The following ANK3 variants were observed in gnomAD, a reference collection of about 807,000 sequenced individuals.
ANK3 encodes the protein ankyrin-3.
Under a neutral mutation model 370.9 loss-of-function variants are expected in ANK3, and 57 were observed. The ratio of observed to expected loss-of-function variants is 0.15; its 90% CI spans 0.12 to 0.19. The LOEUF is 0.19. Among genes scored for constraint, ANK3 ranks in the 10% least tolerant of loss-of-function variants. The probability of loss-of-function intolerance (pLI) is 1.00; values close to 1 mark genes in which losing one functional copy is unlikely to be tolerated. For synonymous variants in ANK3, 1,929 were observed against 1,946.3 expected (o/e 0.99, Z 0.23); for missense variants, 4,439 against 5,302.1 (o/e 0.84, Z 5.06).
At chr10:60,223,257 C>G (rs1298564025) in intron 8 of ANK3, among the ~76,000 whole-genome samples, 1 of 152,176 alleles carries the variant, frequency 6.6e-6, no homozygotes, top group Admixed American at 6.5e-5. Context: ...TGCCCCTACC[C>G]TTGACATTTC....
chr10:60,088,111 C>A (rs376315724), intron 29 of ANK3, 36 bp downstream of exon 29: 161 of 1,550,776 alleles, frequency 1.0e-4, no homozygotes, highest in Non-Finnish European at 1.4e-4. Context: ...ATGCTCTCTG[C>A]GCATACTGAG....
chr10:60,104,693 G>A (rs79672691), intron 28 of ANK3, among the ~76,000 whole-genome samples: 5,934 of 152,228 alleles, frequency 0.039, 174 homozygotes, highest in Non-Finnish European at 0.06. Flanking sequence ...TTGCTGTAAA[G>A]ACATCTTTAA....
chr10:60,122,701 T>C (rs1426767145), intron 25 of ANK3, among the ~76,000 whole-genome samples: 1 of 152,234 alleles, frequency 6.6e-6, no homozygotes, highest in African/African-American at 2.4e-5. Flanking sequence ...CATGGAATTA[T>C]CATAATGTCT....
At chr10:60,224,058 T>C (rs955056289) in intron 8 of ANK3, among the ~76,000 whole-genome samples, 1 of 152,004 alleles carries the variant, frequency 6.6e-6, no homozygotes, top group Non-Finnish European at 1.5e-5. Flanking sequence ...GTTTTTCAAC[T>C]GCATAGAATA....
intron 2 of ANK3, among the ~76,000 whole-genome samples, chr10:60,465,072 G>A (rs1045659367): frequency 8.5e-5 from 13 of 152,076 alleles, no homozygotes; most frequent in Non-Finnish European, 1.6e-4. Flanking sequence ...TTCGAGGCCA[G>A]CCTGGGCAAC....
intron 1 of ANK3, among the ~76,000 whole-genome samples, chr10:60,664,778 T>C (rs766338975): frequency 6.6e-6 from 1 of 152,234 alleles, no homozygotes; most frequent in Non-Finnish European, 1.5e-5. Context: ...ATACAATAAT[T>C]CTCAATTAAA....
At position 60,071,892 on chromosome 10, in the gene ANK3, A is replaced by G; in HGVS notation, c.8989T>C (p.Ser2997Pro). The G allele has an allele frequency of 3.1e-6, 5 of 1,614,078 alleles. No individual in the cohort carries two copies. Among genetic ancestry groups the G allele is most frequent in the Non-Finnish European group, 4.2e-6 (5 of 1,179,970 alleles). The change falls in exon 37 of 44, where the codon TCA becomes CCA. Residue 2997 changes from serine to proline, a missense_variant. Ser to Pro is a moderately conservative substitution (Grantham distance 74). Transcript: ENST00000280772. Reference protein sequence around the residue: ...KHELSQKLSQSSMSKETVETQ... With the variant: ...KHELSQKLSQPSMSKETVETQ... ...TCAACTGTCTCTTTACTCATGCTTG[A>G]CTGGGACAATTTTTGTGATAGTTCA...
chr10:60,704,349 AAAC>A (rs1374265007), intron 1 of ANK3, among the ~76,000 whole-genome samples: 1 of 152,240 alleles, frequency 6.6e-6, no homozygotes, highest in African/African-American at 2.4e-5. Context: ...CAGCTGAAAT[AAAC>A]AACAGACCTA....
intron 2 of ANK3, among the ~76,000 whole-genome samples, chr10:60,482,003 C>T (rs1397059159): frequency 6.6e-6 from 1 of 152,130 alleles, no homozygotes; most frequent in Non-Finnish European, 1.5e-5. Flanking sequence ...TGGCATCGCT[C>T]AAAAAATAGA....
chr10:60,114,081 C>A, intron 26 of ANK3, 144 bp downstream of exon 26: 1 of 369,904 alleles, frequency 2.7e-6, no homozygotes, highest in Non-Finnish European at 4.8e-6. Context: ...TTTACAAATA[C>A]ATCTCACATA....
At position 60,080,694 on chromosome 10, in the gene ANK3, G is replaced by A. The variant is rs141621816; in HGVS notation, c.4351-76C>T. ...TCTTCAGTTTTAAGACATTTTGTAG[G>A]ATGGCATGTTGATAACTTGTTTATT... On this transcript the variant is annotated intron_variant, in intron 35 of 43. Coordinates refer to ENST00000280772, the MANE Select transcript of ANK3 (RefSeq NM_020987.5). The A allele has an allele frequency of 1.1e-3, 1,285 of 1,146,330 alleles. 9 individuals carry two copies. In the African/African-American group the frequency reaches 0.017, roughly 15 times the overall value. 71.0% of individuals were successfully genotyped at this position (1,146,330 alleles called of 1,614,324 possible).
chr10:60,497,640 G>A (rs908643038), intron 2 of ANK3, among the ~76,000 whole-genome samples: 8 of 152,162 alleles, frequency 5.3e-5, no homozygotes, highest in South Asian at 2.1e-4. Context: ...ACAAAGAGAA[G>A]CATTCTTTGC....
At chr10:60,542,056 A>G (rs1255465206) in intron 2 of ANK3, among the ~76,000 whole-genome samples, 1 of 151,918 alleles carries the variant, frequency 6.6e-6, no homozygotes, top group Non-Finnish European at 1.5e-5. Flanking sequence ...GCTTGAGCCA[A>G]GAAACATCCT....
chr10:60,144,326 A>G, intron 23 of ANK3: 1 of 319,430 alleles, frequency 3.1e-6, no homozygotes. Context: ...TCTGTAGTGC[A>G]TTAAATGATG....
intron 2 of ANK3, among the ~76,000 whole-genome samples, chr10:60,399,259 A>T (rs1284836357): frequency 1.3e-5 from 2 of 152,178 alleles, no homozygotes; most frequent in African/African-American, 4.8e-5. Context: ...GCCATTAAAG[A>T]TGTGGAAGTT....
chr10:60,087,027 C>A, intron 29 of ANK3, 143 bp from the exon 30 acceptor site: 1 of 648,502 alleles, frequency 1.5e-6, no homozygotes, highest in Non-Finnish European at 2.5e-6. Flanking sequence ...CTTTTTTAAC[C>A]TTTCTTACTA....
intron 23 of ANK3, among the ~76,000 whole-genome samples, chr10:60,141,717 T>C (rs1017293097): frequency 2.0e-5 from 3 of 151,010 alleles, no homozygotes; most frequent in African/African-American, 7.3e-5. Context: ...GAATGTTACC[T>C]AAATATACAG....
chr10:60,193,966 CA>C (rs1249417043), intron 16 of ANK3, among the ~76,000 whole-genome samples: 1 of 151,834 alleles, frequency 6.6e-6, no homozygotes, highest in African/African-American at 2.4e-5. Context: ...ACTGAAAATA[CA>C]AAAATTAGCT....
At chr10:60,236,030 T>C (rs994472954) in intron 7 of ANK3, among the ~76,000 whole-genome samples, 3 of 152,256 alleles carry the variant, frequency 2.0e-5, no homozygotes, top group African/African-American at 7.2e-5. Flanking sequence ...AACACAATAA[T>C]GAAAAGTTCC....
Sources: allele counts gnomAD v4.1 joint callset (sites outside exome capture counted in the v4.1 genomes callset), GRCh38; gene constraint gnomAD v4.1.1; transcripts MANE v1.5; gene names NCBI Gene and HGNC (gene_info 2026-07-23, HGNC 2026-07-21).